The following BACE2 variants were observed in gnomAD, a reference collection of about 807,000 sequenced individuals.
The protein encoded by BACE2 is 56 kDa aspartic-like protease.
BACE2 carries 17 observed loss-of-function variants against 46.2 expected under a neutral mutation model. That is an observed-to-expected ratio of 0.37 (90% CI 0.25 to 0.55). The LOEUF (loss-of-function observed/expected upper bound fraction) is 0.55, where lower values mean the gene tolerates loss of function less well. Ranked by LOEUF, BACE2 falls within the 20% of genes least tolerant of loss-of-function variation. The probability of loss-of-function intolerance (pLI) is 0.82; values close to 1 mark genes in which losing one functional copy is unlikely to be tolerated. For synonymous variants in BACE2, 277 were observed against 295.9 expected (o/e 0.94, Z 0.66); for missense variants, 595 against 698.1 (o/e 0.85, Z 1.66).
At chr21:41,180,891 C>T (rs1027348968) in intron 1 of BACE2, 4 of 167,112 alleles carry the variant, frequency 2.4e-5, no homozygotes, top group Non-Finnish European at 4.4e-5. Context: ...TCAACAACTA[C>T]ATTTTCCAGA....
At chr21:41,243,088 A>G (rs1305635387) in intron 4 of BACE2, among the ~76,000 whole-genome samples, 3 of 151,782 alleles carry the variant, frequency 2.0e-5, no homozygotes, top group Admixed American at 2.0e-4. Flanking sequence ...TAATTTTTGT[A>G]TTTTTAGTAG....
At chr21:41,227,725 A>G (rs1986860248) in intron 2 of BACE2, among the ~76,000 whole-genome samples, 1 of 152,164 alleles carries the variant, frequency 6.6e-6, no homozygotes, top group South Asian at 2.1e-4. Context: ...AGCTTTCTTC[A>G]TTGATATTCC....
Position 41,173,829 on chromosome 21 carries a change from A to G in BACE2, c.312+5254A>G, listed in dbSNP as rs186456132. Among the ~76,000 whole-genome samples, 775 of 152,308 alleles carry G rather than the reference A, an allele frequency of 5.1e-3. 10 individuals are homozygous for G. The highest frequency in any genetic ancestry group is 6.6e-3 in the Admixed American group (101 of 15,304). ...TTAATGTATAATATGAGAGAAATCC[A>G]ATGTGTACAAGATTAGATCAATGAT... On this transcript the variant is annotated intron_variant, in intron 1 of 8. Coordinates refer to ENST00000330333, the MANE Select transcript of BACE2 (RefSeq NM_012105.5).
chr21:41,170,573 C>T (rs941625971), intron 1 of BACE2, among the ~76,000 whole-genome samples: 6 of 152,176 alleles, frequency 3.9e-5, no homozygotes, highest in Non-Finnish European at 7.3e-5. Flanking sequence ...TCACTACCTG[C>T]CTGTGTTGCC....
chr21:41,205,759 G>T (rs554709818), intron 1 of BACE2, among the ~76,000 whole-genome samples: 11 of 152,268 alleles, frequency 7.2e-5, no homozygotes, highest in African/African-American at 2.6e-4. Context: ...CAGTGCAAAA[G>T]CCAATTCCAC....
chr21:41,191,747 G>C (rs1985576344), intron 1 of BACE2, among the ~76,000 whole-genome samples: 1 of 152,198 alleles, frequency 6.6e-6, no homozygotes, highest in Admixed American at 6.5e-5. Flanking sequence ...GGACCCACTG[G>C]GTGATGACGG....
intron 1 of BACE2, among the ~76,000 whole-genome samples, chr21:41,220,861 C>T (rs1037041055): frequency 3.3e-5 from 5 of 151,658 alleles, no homozygotes; most frequent in South Asian, 2.1e-4. Flanking sequence ...TTTACTAAAA[C>T]GAAGAGGTTT....
chr21:41,191,000 C>A (rs929920661), intron 1 of BACE2, among the ~76,000 whole-genome samples: 1 of 152,106 alleles, frequency 6.6e-6, no homozygotes. Flanking sequence ...ACCTCTAGAC[C>A]AACAGAACTT....
intron 1 of BACE2, chr21:41,178,970 G>A (rs1984964569): frequency 1.5e-6 from 1 of 664,658 alleles, no homozygotes. Context: ...CCTCTCTGAG[G>A]AGGTGCAATT....
In BACE2 at chr21:41,262,440, A is replaced by AT. The variant is rs201412825; in HGVS notation, c.1303+5123dup. Among the ~76,000 whole-genome samples the AT allele has an allele frequency of 2.8e-3, 422 of 151,056 alleles. 3 individuals carry two copies. Among genetic ancestry groups the AT allele is most frequent in the African/African-American group, 9.4e-3 (387 of 41,168 alleles). ...TCGGCTAAGCTATATAGTTTTATTT[A>AT]TTTTTTTTTAGTTATAGGACAATAT... On this transcript the variant is annotated intron_variant, in intron 8 of 8. Transcript: ENST00000330333.
chr21:41,228,640 C>G (rs1366593466), intron 2 of BACE2, among the ~76,000 whole-genome samples: 1 of 152,070 alleles, frequency 6.6e-6, no homozygotes, highest in East Asian at 1.9e-4. Flanking sequence ...AGTGAGATCT[C>G]AGTCATTATT....
intron 1 of BACE2, among the ~76,000 whole-genome samples, 198 bp downstream of exon 1, chr21:41,168,773 C>T (rs1984477354): frequency 6.6e-6 from 1 of 152,036 alleles, no homozygotes; most frequent in Admixed American, 6.5e-5. Flanking sequence ...CGGCAGCCCC[C>T]GCCCGGGGCG....
intron 5 of BACE2, among the ~76,000 whole-genome samples, chr21:41,245,128 T>C (rs2123607735): frequency 6.6e-6 from 1 of 152,372 alleles, no homozygotes; most frequent in Admixed American, 6.5e-5. Context: ...ATTAAGTTTG[T>C]TTTTACACTG....
chr21:41,267,429 C>A (rs929599936), intron 8 of BACE2, among the ~76,000 whole-genome samples: 1 of 152,148 alleles, frequency 6.6e-6, no homozygotes, highest in African/African-American at 2.4e-5. Context: ...TTAGTGTATC[C>A]AAAGCTTATG....
At position 41,280,994 on chromosome 21, in the gene BACE2, C is replaced by T. The variant is rs2123665201; in HGVS notation, c.*5370C>T. 6.6e-6 allele frequency: 1 copy of T among 152,294 alleles called. No individual in the cohort carries two copies. Among genetic ancestry groups the T allele is most frequent in the Non-Finnish European group, 1.5e-5 (1 of 68,062 alleles). 9.4% of individuals were successfully genotyped at this position (152,294 alleles called of 1,614,324 possible). The stretch of plus-strand genomic sequence containing the variant: ...AAGAGCGACGTGCGGGTACCTGGTC[C>T]CTGATGCTTGGGTGCCCCGTTGAGC... On this transcript the variant is annotated 3_prime_UTR_variant, in exon 9 of 9. Coordinates refer to ENST00000330333, the MANE Select transcript of BACE2 (RefSeq NM_012105.5).
intron 7 of BACE2, among the ~76,000 whole-genome samples, chr21:41,253,963 C>G (rs1245621885): frequency 2.6e-5 from 4 of 152,102 alleles, no homozygotes; most frequent in African/African-American, 9.7e-5. Context: ...TGGGAAAGAT[C>G]ACCTGGTGAG....
chr21:41,257,562 G>C (rs1987824757), intron 8 of BACE2, among the ~76,000 whole-genome samples: 1 of 152,196 alleles, frequency 6.6e-6, no homozygotes, highest in East Asian at 1.9e-4. Flanking sequence ...TACTGAGTGT[G>C]AGTCCTGATA....
chr21:41,265,873 T>C (rs1039625465), intron 8 of BACE2, among the ~76,000 whole-genome samples: 4 of 152,236 alleles, frequency 2.6e-5, no homozygotes, highest in Admixed American at 2.0e-4. Context: ...CTTTCCTCAC[T>C]AAAAGTGTTT....
chr21:41,210,337 A>G (rs1986258615), intron 1 of BACE2, among the ~76,000 whole-genome samples: 1 of 152,070 alleles, frequency 6.6e-6, no homozygotes, highest in Non-Finnish European at 1.5e-5. Flanking sequence ...TCTCCCTTTT[A>G]TGGTTTAGGC....
Sources: gnomAD v4.1 joint callset for allele counts (sites outside exome capture counted in the v4.1 genomes callset) on GRCh38, gnomAD v4.1.1 for gene constraint, MANE v1.5 for transcripts, NCBI Gene and HGNC (gene_info 2026-07-23, HGNC 2026-07-21) for gene names.